The following EPC1 variants were observed in gnomAD, a reference collection of about 807,000 sequenced individuals.
The protein encoded by EPC1 is enhancer of polycomb homolog 1.
EPC1 carries 12 observed loss-of-function variants against 98.4 expected under a neutral mutation model. The ratio of observed to expected loss-of-function variants is 0.12; its 90% CI spans 0.08 to 0.20. EPC1 has a LOEUF of 0.20. Among genes scored for constraint, EPC1 ranks in the 10% least tolerant of loss-of-function variants. The pLI is 1.00. For missense variants in EPC1, 729 were observed against 990.5 expected (o/e 0.74, Z 3.54); for synonymous variants, 357 against 363.9 (o/e 0.98, Z 0.21).
chr10:32,309,535 T>C (rs1377874446), intron 1 of EPC1, among the ~76,000 whole-genome samples: 1 of 149,466 alleles, frequency 6.7e-6, no homozygotes, highest in Non-Finnish European at 1.5e-5. Flanking sequence ...AACTCTCTCC[T>C]ATGCCAGTAT....
intron 1 of EPC1, among the ~76,000 whole-genome samples, chr10:32,364,096 C>A (rs1309377503): frequency 7.2e-6 from 1 of 138,504 alleles, no homozygotes; most frequent in Non-Finnish European, 1.5e-5. Flanking sequence ...CTCACTGCAA[C>A]CTCTGTGTCC....
At chr10:32,340,713 A>C (rs1329020480) in intron 1 of EPC1, among the ~76,000 whole-genome samples, 4 of 152,264 alleles carry the variant, frequency 2.6e-5, no homozygotes, top group Admixed American at 2.6e-4. Flanking sequence ...AGTCTCAGCT[A>C]CTTGTAAGGC....
chr10:32,306,015 C>T, intron 1 of EPC1, 84 bp from the exon 2 acceptor site: 2 of 1,236,640 alleles, frequency 1.6e-6, no homozygotes, highest in Non-Finnish European at 2.2e-6. Context: ...TTTTTTGGCT[C>T]ATTTGTTTTT....
chr10:32,317,632 ACT>A (rs1362141617), intron 1 of EPC1, among the ~76,000 whole-genome samples: 2 of 152,066 alleles, frequency 1.3e-5, no homozygotes, highest in South Asian at 2.1e-4. Context: ...ACAGAGCAAG[ACT>A]CTGTCTCAAA....
In EPC1 at chr10:32,343,179, C is replaced by T. The variant is rs113649745; in HGVS notation, c.153+3584G>A. 9.1e-3 allele frequency among the ~76,000 whole-genome samples: 1,382 copies of T among 152,196 alleles called. 24 individuals are homozygous for T. The highest frequency in any genetic ancestry group is 0.029 in the African/African-American group (1,221 of 41,534). ...AGTCACATCTGTACTTCATTAAATA[C>T]ATTGTTTTCATCATCCGTTACTTTA... On this transcript the variant is annotated intron_variant, in intron 1 of 13. Coordinates refer to ENST00000319778, the MANE Select transcript of EPC1 (RefSeq NM_001272004.3).
chr10:32,350,089 A>G (rs973980958), upstream of EPC1, among the ~76,000 whole-genome samples: 2 of 152,200 alleles, frequency 1.3e-5, no homozygotes, highest in African/African-American at 4.8e-5. Context: ...TCTTTTTCTA[A>G]GTATCCCCAA....
chr10:32,335,315 C>T (rs1186303411), intron 1 of EPC1, among the ~76,000 whole-genome samples: 3 of 152,140 alleles, frequency 2.0e-5, no homozygotes, highest in African/African-American at 7.2e-5. Flanking sequence ...CCCAATCTTC[C>T]ACCCTTCCTG....
At chr10:32,295,168 T>A (rs79545644) in intron 2 of EPC1, among the ~76,000 whole-genome samples, 5,542 of 152,218 alleles carry the variant, frequency 0.036, 148 homozygotes, top group East Asian at 0.12. Context: ...GGGAGAGGCA[T>A]GCCTTCTTTA....
chr10:32,368,704 C>T (rs1425820590), intron 1 of EPC1, among the ~76,000 whole-genome samples: 4 of 152,196 alleles, frequency 2.6e-5, no homozygotes, highest in Non-Finnish European at 5.9e-5. Flanking sequence ...ATCTTTAATA[C>T]TGCAAAATCC....
chr10:32,333,588 A>C (rs1837770476), intron 1 of EPC1, among the ~76,000 whole-genome samples: 1 of 152,152 alleles, frequency 6.6e-6, no homozygotes, highest in Non-Finnish European at 1.5e-5. Context: ...GCCAAGATCA[A>C]ATCCAGGGCA....
intron 2 of EPC1, among the ~76,000 whole-genome samples, chr10:32,295,385 C>T (rs546759680): frequency 6.6e-6 from 1 of 152,288 alleles, no homozygotes; most frequent in South Asian, 2.1e-4. Context: ...AGTAAAAAAA[C>T]ATTGGTACAG....
intron 9 of EPC1, 126 bp downstream of exon 9, chr10:32,286,568 A>T: frequency 9.0e-7 from 1 of 1,113,186 alleles, no homozygotes; most frequent in Non-Finnish European, 1.3e-6. Flanking sequence ...TTTAGTCAAC[A>T]GATCAGTTAA....
intron 1 of EPC1, among the ~76,000 whole-genome samples, chr10:32,311,533 AC>A (rs763229978): frequency 3.8e-4 from 57 of 151,630 alleles, no homozygotes; most frequent in East Asian, 9.6e-4. Context: ...TAAAAAAAAA[AC>A]AACAAAAACC....
At chr10:32,271,162 T>C (rs2132632966) in intron 13 of EPC1, among the ~76,000 whole-genome samples, 1 of 152,220 alleles carries the variant, frequency 6.6e-6, no homozygotes, top group South Asian at 2.1e-4. Flanking sequence ...CGGGTGATTT[T>C]GTATTTTTAG....
rs147324033 is a variant in EPC1, at chr10:32,371,990, T to C, written c.3+6501A>G. On this transcript the variant is annotated intron_variant, in intron 1 of 13. Coordinates refer to the EPC1 transcript ENST00000375110. ...CCTACCCTGAACATCCTATTTAATA[T>C]TGAAATATGTATATATTAATTCCTT... is the stretch of plus-strand genomic sequence containing the variant. Among the ~76,000 whole-genome samples, 442 of 152,328 alleles carry C rather than the reference T, an allele frequency of 2.9e-3. 4 individuals are homozygous for C. Among genetic ancestry groups the C allele is most frequent in the African/African-American group, 0.01 (416 of 41,572 alleles).
chr10:32,286,710 C>T lies in EPC1; in HGVS notation c.1375G>A (p.Val459Ile). The change falls in exon 9 of 14, where the codon GTT becomes ATT. Residue 459 changes from valine to isoleucine, a missense_variant. Val to Ile is a conservative substitution (Grantham distance 29). Transcript: ENST00000319778. ...ATACCTTACCTTCCACCGCGCCCAA[C>T]CCGTCTTCGTGCAAATCCAATACAC... ...QRCIGFARRR[V>I]GRGGRVLLDR... 1.2e-6 allele frequency: 2 copies of T among 1,614,150 alleles called. No individual in the cohort carries two copies. The highest frequency in any genetic ancestry group is 2.2e-5 in the South Asian group (2 of 91,076).
chr10:32,342,454 C>T (rs1838424204), intron 1 of EPC1, among the ~76,000 whole-genome samples: 1 of 152,122 alleles, frequency 6.6e-6, no homozygotes, highest in African/African-American at 2.4e-5. Context: ...ACAAACAACT[C>T]CCATCCACTT....
At chr10:32,326,405 G>A (rs940319700) in intron 1 of EPC1, among the ~76,000 whole-genome samples, 1 of 152,062 alleles carries the variant, frequency 6.6e-6, no homozygotes, top group African/African-American at 2.4e-5. Context: ...GTTTACTGCT[G>A]TATCACCCTG....
At chr10:32,307,872 C>CT (rs1835965672) in intron 1 of EPC1, among the ~76,000 whole-genome samples, 1 of 152,186 alleles carries the variant, frequency 6.6e-6, no homozygotes, top group Non-Finnish European at 1.5e-5. Flanking sequence ...TCATAGTTTG[C>CT]TTTTTGTTCC....
Sources: allele counts gnomAD v4.1 joint callset (sites outside exome capture counted in the v4.1 genomes callset), GRCh38; gene constraint gnomAD v4.1.1; transcripts MANE v1.5; gene names NCBI Gene and HGNC (gene_info 2026-07-23, HGNC 2026-07-21).